The following DOCK2 variants were observed in gnomAD, a reference collection of about 807,000 sequenced individuals.
DOCK2 encodes the protein dedicator of cytokinesis 2.
In DOCK2, 87 loss-of-function variants were observed where a neutral mutation model predicts 248.9. The observed-to-expected ratio is 0.35, with a 90% confidence interval of 0.29 to 0.42. DOCK2 has a LOEUF of 0.42. DOCK2 is among the 10% of genes least tolerant of loss of function. DOCK2 has a pLI of 1.00. For synonymous variants in DOCK2, 805 were observed against 821.6 expected (o/e 0.98, Z 0.35); for missense variants, 1,747 against 2,300.2 (o/e 0.76, Z 4.92).
At chr5:169,845,239 G>A (rs1484069114) in intron 27 of DOCK2, among the ~76,000 whole-genome samples, 1 of 150,606 alleles carries the variant, frequency 6.6e-6, no homozygotes, top group African/African-American at 2.4e-5. Flanking sequence ...TGCTGCTTTT[G>A]GCCCACCTGT....
intron 14 of DOCK2, among the ~76,000 whole-genome samples, chr5:169,707,570 A>C (rs894429391): frequency 2.0e-5 from 3 of 152,056 alleles, no homozygotes; most frequent in Non-Finnish European, 2.9e-5. Flanking sequence ...ACCCATTCCT[A>C]TACCCCAGTG....
Position 169,700,068 on chromosome 5 carries a change from A to G in DOCK2, c.1187A>G (p.Asp396Gly). The change falls in exon 13 of 52, where the codon GAC becomes GGC. Residue 396 changes from aspartate to glycine, a missense_variant. Asp to Gly is a moderately conservative substitution (Grantham distance 94, BLOSUM62 -1). Around this residue, in one of 4 missense-constraint regions of DOCK2, gnomAD observed 375 missense variants for 510.9 expected, o/e 0.73. Transcript: ENST00000520908. ...LVGDIIQIRK[D>G]YPHLVDRTTV... ...GGTGACATCATTCAGATTCGCAAGGACTATCCACACCTGGTGGACAGGACC... is the reference window on the plus strand; with the variant it reads ...GGTGACATCATTCAGATTCGCAAGGGCTATCCACACCTGGTGGACAGGACC... 1 of 1,614,006 alleles carries G rather than the reference A, an allele frequency of 6.2e-7. No homozygotes were observed. The highest frequency in any genetic ancestry group is 8.5e-7 in the Non-Finnish European group (1 of 1,179,916).
chr5:169,904,624 G>A (rs1774165728), intron 27 of DOCK2, among the ~76,000 whole-genome samples: 1 of 152,134 alleles, frequency 6.6e-6, no homozygotes, highest in Admixed American at 6.5e-5. Flanking sequence ...CTTCCAACCA[G>A]CCTCTCCCCC....
intron 27 of DOCK2, among the ~76,000 whole-genome samples, chr5:169,968,515 C>G (rs1777382051): frequency 6.6e-6 from 1 of 152,078 alleles, no homozygotes; most frequent in Non-Finnish European, 1.5e-5. Flanking sequence ...ATTGGGGGGT[C>G]AATGTTCAGG....
chr5:169,882,289 G>C (rs547722086), intron 27 of DOCK2, among the ~76,000 whole-genome samples: 3 of 152,244 alleles, frequency 2.0e-5, no homozygotes, highest in South Asian at 4.1e-4. Flanking sequence ...TGATCTTACT[G>C]CTCCATTGCT....
intron 29 of DOCK2, among the ~76,000 whole-genome samples, chr5:169,993,108 C>T (rs1778251884): frequency 6.6e-6 from 1 of 152,228 alleles, no homozygotes; most frequent in Non-Finnish European, 1.5e-5. Flanking sequence ...GAGATGTTTA[C>T]ATATAATGTG....
intron 17 of DOCK2, among the ~76,000 whole-genome samples, chr5:169,713,547 A>G (rs1761703479): frequency 6.6e-6 from 1 of 151,680 alleles, no homozygotes; most frequent in African/African-American, 2.4e-5. Context: ...CAGTTTACTA[A>G]TGAAAAAAAA....
At chr5:169,912,378 T>G (rs1435180401) in intron 27 of DOCK2, among the ~76,000 whole-genome samples, 1 of 152,188 alleles carries the variant, frequency 6.6e-6, no homozygotes, top group East Asian at 1.9e-4. Context: ...TTCTTATCAT[T>G]GTCTATTGGC....
rs541664315 is a variant in DOCK2 at position 169,729,989 on chromosome 5, C to T, written c.2267+11198C>T. 5.3e-4 allele frequency among the ~76,000 whole-genome samples: 80 copies of T among 152,282 alleles called. 1 individual carries two copies. Among genetic ancestry groups the T allele is most frequent in the Admixed American group, 1.0e-3 (16 of 15,308 alleles). ...TTTATATTTTGGAGGTGGAGTCTCA[C>T]TCTGTTGCCCAGGCTGGAGTGCAAT... is the stretch of plus-strand genomic sequence containing the variant. On this transcript the variant is annotated intron_variant, in intron 22 of 51. Transcript: ENST00000520908.
At position 169,693,909 on chromosome 5, in the gene DOCK2, C is replaced by T. The variant is rs570088187; in HGVS notation, c.844-1894C>T. The stretch of plus-strand genomic sequence containing the variant: ...CCTTCAGCTGGTTGGATGAGGCCCA[C>T]GGACATTATAGAACGTCATCTCCTT... On this transcript the variant is annotated intron_variant, in intron 9 of 51. Transcript: ENST00000520908. Among the ~76,000 whole-genome samples, 12 of 152,296 alleles carry T rather than the reference C, an allele frequency of 7.9e-5. No individual in the cohort carries two copies. In the East Asian group the frequency reaches 1.9e-3, roughly 24 times the overall value.
At chr5:169,921,292 G>A (rs560273106) in intron 27 of DOCK2, among the ~76,000 whole-genome samples, 1 of 152,110 alleles carries the variant, frequency 6.6e-6, no homozygotes, top group Non-Finnish European at 1.5e-5. Context: ...ATATTATATA[G>A]GAAATCTCAT....
chr5:169,655,724 A>G (rs1302711454), intron 2 of DOCK2, among the ~76,000 whole-genome samples: 5 of 152,120 alleles, frequency 3.3e-5, no homozygotes, highest in African/African-American at 7.2e-5. Flanking sequence ...ACAAACATAC[A>G]TATGTACATA....
chr5:169,664,297 A>G (rs188068044), intron 2 of DOCK2, among the ~76,000 whole-genome samples: 1 of 152,274 alleles, frequency 6.6e-6, no homozygotes, highest in East Asian at 1.9e-4. Context: ...TGTCCATATC[A>G]CTATCAGTAT....
intron 30 of DOCK2, among the ~76,000 whole-genome samples, chr5:170,008,237 A>C (rs2879273): frequency 0.36 from 52,040 of 145,894 alleles, 9,684 homozygotes; most frequent in African/African-American, 0.44. Context: ...AAAAAAAAAA[A>C]ACCTAAAATT....
chr5:170,026,358 G>C (rs1011064283), intron 33 of DOCK2, among the ~76,000 whole-genome samples: 1 of 152,132 alleles, frequency 6.6e-6, no homozygotes, highest in Non-Finnish European at 1.5e-5. Flanking sequence ...CTGACACCGA[G>C]GGTTGTACCA....
At chr5:169,806,113 G>A (rs193040177) in intron 26 of DOCK2, among the ~76,000 whole-genome samples, 5 of 150,864 alleles carry the variant, frequency 3.3e-5, no homozygotes, top group Admixed American at 3.3e-4. Flanking sequence ...ATTACTTTGA[G>A]CTAAACTGAA....
chr5:169,822,238 G>A (rs960093504), intron 26 of DOCK2, among the ~76,000 whole-genome samples: 5 of 152,156 alleles, frequency 3.3e-5, no homozygotes, highest in African/African-American at 4.8e-5. Context: ...GGATATCCAG[G>A]AATTGAACTC....
intron 23 of DOCK2, among the ~76,000 whole-genome samples, chr5:169,754,092 G>A (rs17051884): frequency 0.045 from 6,791 of 152,138 alleles, 471 homozygotes; most frequent in African/African-American, 0.15. Context: ...ACCAACACTG[G>A]TCACTCTGTT....
chr5:169,936,652 C>T (rs1356209848), intron 27 of DOCK2, among the ~76,000 whole-genome samples: 1 of 147,100 alleles, frequency 6.8e-6, no homozygotes, highest in Non-Finnish European at 1.5e-5. Flanking sequence ...GGCTACTGAT[C>T]CATTACAGAA....
Sources: gnomAD v4.1 joint callset for allele counts (sites outside exome capture counted in the v4.1 genomes callset) on GRCh38, gnomAD v4.1.1 for gene constraint, gnomAD v4.1.1 regional missense constraint, MANE v1.5 for transcripts, NCBI Gene and HGNC (gene_info 2026-07-23, HGNC 2026-07-21) for gene names.